The following NIPSNAP1 variants were observed in gnomAD, a reference collection of about 807,000 sequenced individuals.
The protein encoded by NIPSNAP1 is nipsnap homolog 1.
In NIPSNAP1, 25 loss-of-function variants were observed where a neutral mutation model predicts 49.2. That is an observed-to-expected ratio of 0.51 (90% CI 0.37 to 0.71). NIPSNAP1 has a LOEUF of 0.71. Ranked by LOEUF, NIPSNAP1 falls within the 30% of genes least tolerant of loss-of-function variation. NIPSNAP1 has a pLI of 0.00. For missense variants in NIPSNAP1, 294 were observed against 361.0 expected, an observed-to-expected ratio of 0.81 and a Z score of 1.50; for synonymous variants, 143 against 140.7, an observed-to-expected ratio of 1.02 and a Z score of -0.12.
intron 9 of NIPSNAP1, among the ~76,000 whole-genome samples, chr22:29,556,609 C>G (rs73159027): frequency 9.0e-4 from 137 of 152,286 alleles, no homozygotes; most frequent in Non-Finnish European, 1.7e-3. Context: ...AAGGTCAGCT[C>G]CAGGTCATCC....
chr22:29,556,863 C>A (rs1183608515), intron 9 of NIPSNAP1, among the ~76,000 whole-genome samples: 2 of 152,142 alleles, frequency 1.3e-5, no homozygotes, highest in Non-Finnish European at 2.9e-5. Flanking sequence ...GATTCTCCTG[C>A]CTCAGCCTCC....
chr22:29,578,868 G>C (rs1223353850), intron 1 of NIPSNAP1, among the ~76,000 whole-genome samples: 1 of 150,958 alleles, frequency 6.6e-6, no homozygotes, highest in African/African-American at 2.5e-5. Context: ...CCACACAAAT[G>C]GTTTTACCAC....
intron 1 of NIPSNAP1, among the ~76,000 whole-genome samples, chr22:29,572,983 A>C (rs1180870835): frequency 6.6e-6 from 1 of 151,994 alleles, no homozygotes; most frequent in African/African-American, 2.4e-5. Flanking sequence ...CTCAAAAAAA[A>C]AAAAAATTTC....
intron 7 of NIPSNAP1, 86 bp from the exon 8 acceptor site, chr22:29,560,914 G>A (rs2064330925): frequency 3.8e-6 from 5 of 1,314,622 alleles, no homozygotes; most frequent in South Asian, 3.5e-5. Flanking sequence ...CTTCACAGGA[G>A]GGGCCTAGGT....
intron 4 of NIPSNAP1, among the ~76,000 whole-genome samples, chr22:29,565,182 T>A (rs1223515446): frequency 6.7e-6 from 1 of 148,208 alleles, no homozygotes; most frequent in Non-Finnish European, 1.5e-5. Context: ...CCAAACTGGG[T>A]GACAGAGCGA....
chr22:29,568,088 A>T (rs2064379774), intron 4 of NIPSNAP1, among the ~76,000 whole-genome samples: 1 of 143,538 alleles, frequency 7.0e-6, no homozygotes, highest in Non-Finnish European at 1.5e-5. Flanking sequence ...CTGAGGTGGG[A>T]GTACTGCTTG....
intron 4 of NIPSNAP1, among the ~76,000 whole-genome samples, chr22:29,566,296 A>G (rs942919257): frequency 1.3e-5 from 2 of 151,756 alleles, no homozygotes; most frequent in Admixed American, 6.6e-5. Flanking sequence ...ATAAGCCACC[A>G]TATTCAGTCC....
At chr22:29,579,289 CTTTTTTTTTTTT>C (rs34084606) in intron 1 of NIPSNAP1, among the ~76,000 whole-genome samples, 1 of 57,376 alleles carries the variant, frequency 1.7e-5, no homozygotes. Context: ...AATTTTTGTA[CTTTTTTTTTTTT>C]TTTTTTTTTT....
intron 1 of NIPSNAP1, chr22:29,579,834 T>C (rs1391177461): frequency 9.0e-6 from 3 of 331,854 alleles, no homozygotes; most frequent in African/African-American, 6.4e-5. Flanking sequence ...TCACCCCACC[T>C]ACAAAGTCTG....
chr22:29,568,573 A>G (rs1482760385), intron 4 of NIPSNAP1, among the ~76,000 whole-genome samples: 1 of 151,956 alleles, frequency 6.6e-6, no homozygotes, highest in Non-Finnish European at 1.5e-5. Context: ...CAGGTGGATC[A>G]CCTGAGATCA....
In NIPSNAP1 at chr22:29,556,519, C is replaced by T. The variant is rs186362634; in HGVS notation, c.791-520G>A. Among the ~76,000 whole-genome samples the T allele has an allele frequency of 4.6e-5, 7 of 151,556 alleles. No homozygotes were observed. The East Asian group carries it at 5.9e-4, about 13-fold the overall frequency. On this transcript the variant is annotated intron_variant, in intron 9 of 9. Coordinates refer to ENST00000216121, the MANE Select transcript of NIPSNAP1 (RefSeq NM_003634.4). ...AGCCTGGGCAACAAGAGCAAAACTC[C>T]GTCTCAAAAAAAAAGAAAAGAAAAA...
chr22:29,572,283 A>G (rs1447142682), intron 1 of NIPSNAP1, among the ~76,000 whole-genome samples: 1 of 147,762 alleles, frequency 6.8e-6, no homozygotes, highest in Non-Finnish European at 1.5e-5. Flanking sequence ...CGCCTGGGCA[A>G]CAGAGCGAGA....
chr22:29,556,227 T>A (rs1482586294), intron 9 of NIPSNAP1, among the ~76,000 whole-genome samples: 1 of 151,988 alleles, frequency 6.6e-6, no homozygotes, highest in Non-Finnish European at 1.5e-5. Flanking sequence ...TTCTTAAATT[T>A]TAATAGTTAT....
chr22:29,570,109 A>C, intron 3 of NIPSNAP1, 53 bp downstream of exon 3: 1 of 1,532,768 alleles, frequency 6.5e-7, no homozygotes, highest in Non-Finnish European at 9.0e-7. Context: ...ATTTGCTGAA[A>C]GTGTGTTCCC....
intron 9 of NIPSNAP1, among the ~76,000 whole-genome samples, chr22:29,557,711 G>A (rs1338991457): frequency 6.6e-6 from 1 of 152,192 alleles, no homozygotes; most frequent in Non-Finnish European, 1.5e-5. Context: ...GATTTCAGTT[G>A]TGAGCCACCA....
chr22:29,569,176 G>A lies in NIPSNAP1; in HGVS notation c.367+17C>T. The A allele has an allele frequency of 1.9e-6, 3 of 1,610,368 alleles. No homozygotes were observed. The highest frequency in any genetic ancestry group is 1.7e-4 in the Middle Eastern group (1 of 6,056). On this transcript the variant is annotated intron_variant, in intron 4 of 9. Transcript: ENST00000216121. ...GGCTGGGCAGTGGCAATGGCACTAG[G>A]GAGGTGAGCGCCTTACCTGCCTGGT...
At chr22:29,580,184 G>A (rs1024337874) in intron 1 of NIPSNAP1, 1 of 1,303,946 alleles carries the variant, frequency 7.7e-7, no homozygotes, top group Non-Finnish European at 1.0e-6. Context: ...ATGAGATCAT[G>A]GTCTAGTGAG....
chr22:29,575,051 T>C (rs2064441488), intron 1 of NIPSNAP1, among the ~76,000 whole-genome samples: 1 of 152,188 alleles, frequency 6.6e-6, no homozygotes, highest in African/African-American at 2.4e-5. Flanking sequence ...CCCAGCGCTC[T>C]TTCCTTGAAA....
At chr22:29,579,289 C>CTTTTTTTT (rs34084606) in intron 1 of NIPSNAP1, among the ~76,000 whole-genome samples, 2 of 57,376 alleles carry the variant, frequency 3.5e-5, no homozygotes, top group East Asian at 3.6e-4. Flanking sequence ...AATTTTTGTA[C>CTTTTTTTT]TTTTTTTTTT....
Sources: allele counts gnomAD v4.1 joint callset (sites outside exome capture counted in the v4.1 genomes callset), GRCh38; gene constraint gnomAD v4.1.1; transcripts MANE v1.5; gene names NCBI Gene and HGNC (gene_info 2026-07-23, HGNC 2026-07-21).